Variants in FRMD3 observed in about 807,000 individuals in gnomAD.
FRMD3 encodes FERM domain-containing protein 3.
A neutral mutation model predicts 70.2 loss-of-function variants in FRMD3; 33 were observed. That is an observed-to-expected ratio of 0.47 (90% CI 0.36 to 0.63). The LOEUF is 0.63. Among genes scored for constraint, FRMD3 ranks in the 20% least tolerant of loss-of-function variants. FRMD3 has a pLI of 0.00. For missense variants in FRMD3, 632 were observed against 711.4 expected, an observed-to-expected ratio of 0.89 and a Z score of 1.27; for synonymous variants, 279 against 255.9, an observed-to-expected ratio of 1.09 and a Z score of -0.86.
chr9:83,550,912 T>C, the FRMD3 span, among the ~76,000 whole-genome samples: 2 of 152,114 alleles, frequency 1.3e-5, no homozygotes, highest in African/African-American at 2.4e-5. Context: ...TAGAATCATA[T>C]TGTCTGCAAA....
chr9:83,269,726 T>G (rs1833462851), intron 13 of FRMD3, among the ~76,000 whole-genome samples: 1 of 152,104 alleles, frequency 6.6e-6, no homozygotes, highest in Non-Finnish European at 1.5e-5. Context: ...AAAAGTATTA[T>G]TATTATTTTA....
chr9:83,252,041 C>T (rs1319803079), intron 13 of FRMD3, among the ~76,000 whole-genome samples: 1 of 152,082 alleles, frequency 6.6e-6, no homozygotes, highest in African/African-American at 2.4e-5. Flanking sequence ...TACATTACTC[C>T]ACAAGAAGAT....
chr9:83,518,783 C>T (rs1464941830), intron 1 of FRMD3, among the ~76,000 whole-genome samples: 2 of 152,016 alleles, frequency 1.3e-5, no homozygotes, highest in Admixed American at 6.6e-5. Context: ...GGTACTGGTA[C>T]CAAAACAGAC....
rs73648525 is a variant in FRMD3, at chr9:83,290,479, A to G, written c.1195+124T>C. The G allele has an allele frequency of 2.7e-3, 2,895 of 1,061,758 alleles. 53 individuals are homozygous for G. The African/African-American group carries it at 0.04, about 15-fold the overall frequency. The allele number at this position is 1,061,758 out of a possible 1,614,324, so 65.8% of individuals were successfully genotyped here. On this transcript the variant is annotated intron_variant, in intron 13 of 13. Coordinates refer to ENST00000304195, the MANE Select transcript of FRMD3 (RefSeq NM_174938.6). ...CAAAAAGCTTATTTACTAAAAACAT[A>G]GTTTATGGCCCACTCCACCCCATAC... is the stretch of plus-strand genomic sequence containing the variant.
chr9:83,554,968 A>G, the FRMD3 span, among the ~76,000 whole-genome samples: 2 of 152,222 alleles, frequency 1.3e-5, no homozygotes, highest in Admixed American at 1.3e-4. Context: ...AATGACAAAG[A>G]TAGCAGGCAG....
intron 12 of FRMD3, 136 bp downstream of exon 12, chr9:83,298,612 T>C: frequency 1.5e-6 from 1 of 676,740 alleles, no homozygotes; most frequent in Non-Finnish European, 2.6e-6. Context: ...CAGGCAAATC[T>C]GTCTGAGTGA....
chr9:83,437,431 G>T (rs8181122), intron 1 of FRMD3, among the ~76,000 whole-genome samples: 1 of 151,956 alleles, frequency 6.6e-6, no homozygotes, highest in Non-Finnish European at 1.5e-5. Context: ...TTTTTGACTC[G>T]TGCTCATTCT....
At chr9:83,511,045 G>C (rs527526401) in intron 1 of FRMD3, among the ~76,000 whole-genome samples, 3 of 152,258 alleles carry the variant, frequency 2.0e-5, no homozygotes, top group South Asian at 4.1e-4. Flanking sequence ...GTTCAAAAAA[G>C]AGATGTGGGA....
rs1832030406 is a variant in FRMD3, at chr9:83,245,142, T to C, written c.*2776A>G. ...AATTAGGGCAAAATAAGCACAATTA[T>C]GCATGAGGGGCATATATGTTGTGTC... On this transcript the variant is annotated 3_prime_UTR_variant, in exon 14 of 14. Coordinates refer to ENST00000304195, the MANE Select transcript of FRMD3 (RefSeq NM_174938.6). The C allele has an allele frequency of 5.1e-6, 5 of 985,202 alleles. No homozygotes were observed. In the Admixed American group the frequency reaches 3.1e-4, roughly 61 times the overall value. The allele number at this position is 985,202 out of a possible 1,614,324, so 61.0% of individuals were successfully genotyped here. A position where few individuals can be genotyped will look rare whatever the true frequency, so the allele number is the denominator to read the frequency against.
chr9:83,570,298 G>A, the FRMD3 span, among the ~76,000 whole-genome samples: 4 of 152,138 alleles, frequency 2.6e-5, no homozygotes, highest in African/African-American at 9.7e-5. Context: ...ATTATCTGAG[G>A]GGAAATAAGC....
At chr9:83,328,181 TAA>T (rs373851850) in intron 6 of FRMD3, among the ~76,000 whole-genome samples, 14 of 143,326 alleles carry the variant, frequency 9.8e-5, no homozygotes, top group South Asian at 4.5e-4. Context: ...TCCTTATCTG[TAA>T]AAAAAAAAAA....
At chr9:83,584,355 C>T in the FRMD3 span, among the ~76,000 whole-genome samples, 18 of 151,954 alleles carry the variant, frequency 1.2e-4, no homozygotes, top group East Asian at 2.5e-3. Flanking sequence ...TAACCTCCCC[C>T]GATTATCTCC....
intron 1 of FRMD3, among the ~76,000 whole-genome samples, chr9:83,408,760 C>T (rs9314714): frequency 0.042 from 6,426 of 152,232 alleles, 474 homozygotes; most frequent in African/African-American, 0.15. Context: ...CTCCTTTCAT[C>T]ACTAATTACC....
At chr9:83,567,778 C>T in the FRMD3 span, among the ~76,000 whole-genome samples, 6 of 152,202 alleles carry the variant, frequency 3.9e-5, no homozygotes, top group East Asian at 3.8e-4. Context: ...ATGAGACCAC[C>T]TCAGCCTGGA....
chr9:83,526,245 A>G (rs1829681718), intron 1 of FRMD3, among the ~76,000 whole-genome samples: 1 of 152,190 alleles, frequency 6.6e-6, no homozygotes, highest in Non-Finnish European at 1.5e-5. Flanking sequence ...GTCTGCTATC[A>G]TCACTTTGAA....
chr9:83,563,879 T>C, the FRMD3 span, among the ~76,000 whole-genome samples: 1 of 152,146 alleles, frequency 6.6e-6, no homozygotes, highest in East Asian at 1.9e-4. Context: ...CATAAGAATA[T>C]GTCTTTAGAA....
chr9:83,250,602 G>A (rs1242063911), intron 13 of FRMD3, among the ~76,000 whole-genome samples: 1 of 152,208 alleles, frequency 6.6e-6, no homozygotes, highest in Non-Finnish European at 1.5e-5. Flanking sequence ...CTTGAGGTGG[G>A]TCTAAGTTCC....
chr9:83,504,645 A>G (rs1172326639), intron 1 of FRMD3, among the ~76,000 whole-genome samples: 2 of 152,020 alleles, frequency 1.3e-5, no homozygotes, highest in Non-Finnish European at 2.9e-5. Context: ...CCACCTTATC[A>G]GGGACACCTT....
intron 1 of FRMD3, among the ~76,000 whole-genome samples, chr9:83,470,358 C>T (rs1037225453): frequency 1.3e-5 from 2 of 151,936 alleles, no homozygotes; most frequent in African/African-American, 4.8e-5. Flanking sequence ...CCTCACCCTG[C>T]CATTTTCTAT....
Sources: allele counts gnomAD v4.1 joint callset (sites outside exome capture counted in the v4.1 genomes callset), GRCh38; gene constraint gnomAD v4.1.1; transcripts MANE v1.5; gene names NCBI Gene and HGNC (gene_info 2026-07-23, HGNC 2026-07-21).